The following LAMB1 variants were observed in gnomAD, a reference collection of about 807,000 sequenced individuals.
The protein encoded by LAMB1 is laminin subunit beta-1.
A neutral mutation model predicts 222.3 loss-of-function variants in LAMB1; 121 were observed. That is an observed-to-expected ratio of 0.54 (90% CI 0.47 to 0.63). LAMB1 has a LOEUF of 0.63. Among genes scored for constraint, LAMB1 ranks in the 30% least tolerant of loss-of-function variants. The probability of loss-of-function intolerance (pLI) is 0.00; values close to 1 mark genes in which losing one functional copy is unlikely to be tolerated. For missense variants in LAMB1, 2,172 were observed against 2,240.8 expected (o/e 0.97, Z 0.62); for synonymous variants, 794 against 807.2 (o/e 0.98, Z 0.28).
At position 107,951,327 on chromosome 7, in the gene LAMB1, G is replaced by A. The variant is rs752770724; in HGVS notation, c.3295-5C>T. Reference sequence around the variant, plus strand: ...GCACTGGCACTGCCCCGTGAACTGCGGCCAGAACACAGACCTTGGTCAAGC... The same window carrying A: ...GCACTGGCACTGCCCCGTGAACTGCAGCCAGAACACAGACCTTGGTCAAGC... On this transcript the variant is annotated splice_polypyrimidine_tract_variant and splice_region_variant and intron_variant, in intron 23 of 33. Transcript: ENST00000222399. 9.3e-6 allele frequency: 15 copies of A among 1,613,664 alleles called. No individual in the cohort carries two copies. The Admixed American group carries it at 1.2e-4, about 13-fold the overall frequency.
chr7:107,925,221 A>G (rs887581031), intron 32 of LAMB1, among the ~76,000 whole-genome samples: 2 of 152,138 alleles, frequency 1.3e-5, no homozygotes, highest in African/African-American at 4.8e-5. Context: ...AATAGTAGGG[A>G]GTTAAATACT....
intron 24 of LAMB1, among the ~76,000 whole-genome samples, chr7:107,944,958 G>C (rs1162506969): frequency 1.3e-5 from 2 of 152,172 alleles, no homozygotes; most frequent in Non-Finnish European, 2.9e-5. Flanking sequence ...CCTAGATAAA[G>C]CAGTCTTATT....
At chr7:107,931,558 G>T (rs951006937) in intron 28 of LAMB1, 58 bp from the exon 29 acceptor site, 11 of 1,469,430 alleles carry the variant, frequency 7.5e-6, no homozygotes, top group Middle Eastern at 1.7e-4. Flanking sequence ...AAGGAGACCA[G>T]AATATTGGAA....
intron 13 of LAMB1, among the ~76,000 whole-genome samples, chr7:107,965,623 T>C (rs1057373645): frequency 2.0e-5 from 3 of 152,104 alleles, no homozygotes; most frequent in African/African-American, 7.2e-5. Context: ...TTGTATACAA[T>C]ACAAAACTCA....
In LAMB1 at chr7:107,926,075, GA is replaced by G. The variant is rs376602413; in HGVS notation, c.5064+107del. The stretch of plus-strand genomic sequence containing the variant: ...GCAAAACAGGTCATTTGATATTTCT[GA>G]TGAATTCTGTTTCTGTTAGGTCCAT... On this transcript the variant is annotated intron_variant, in intron 32 of 33. Transcript: ENST00000222399. 1.1e-3 allele frequency: 891 copies of G among 786,774 alleles called. 6 individuals carry two copies. In the African/African-American group the frequency reaches 0.013, roughly 12 times the overall value. The allele number at this position is 786,774 out of a possible 1,614,324, so 48.7% of individuals were successfully genotyped here.
At chr7:107,963,694 C>T (rs565918906) in intron 14 of LAMB1, among the ~76,000 whole-genome samples, 187 of 152,300 alleles carry the variant, frequency 1.2e-3, no homozygotes, top group Non-Finnish European at 2.2e-3. Flanking sequence ...TCCATGAATC[C>T]TTGTGACTTG....
At chr7:107,963,827 AGTGGCTCACGCCT>A (rs771530487) in intron 14 of LAMB1, among the ~76,000 whole-genome samples, 4 of 152,226 alleles carry the variant, frequency 2.6e-5, no homozygotes, top group Non-Finnish European at 5.9e-5. Flanking sequence ...CGCCAGGCAC[AGTGGCTCACGCCT>A]GTAATCCCAA....
chr7:107,982,915 A>G (rs1016378170), intron 7 of LAMB1, among the ~76,000 whole-genome samples: 2 of 152,228 alleles, frequency 1.3e-5, no homozygotes, highest in Admixed American at 1.3e-4. Flanking sequence ...CAAAAGACAA[A>G]AGAATCAAAA....
intron 26 of LAMB1, chr7:107,936,491 T>G (rs2032850389): frequency 6.6e-6 from 1 of 152,292 alleles, no homozygotes; most frequent in African/African-American, 2.4e-5. Flanking sequence ...GGATTTTGGT[T>G]TCTGCAGTGG....
intron 20 of LAMB1, among the ~76,000 whole-genome samples, chr7:107,958,959 C>A (rs1473374007): frequency 6.6e-6 from 1 of 152,186 alleles, no homozygotes; most frequent in Non-Finnish European, 1.5e-5. Context: ...CTGAGACAGA[C>A]AGAATTTCTA....
At chr7:107,996,344 T>C (rs2034280533) in intron 4 of LAMB1, among the ~76,000 whole-genome samples, 1 of 152,102 alleles carries the variant, frequency 6.6e-6, no homozygotes, top group Admixed American at 6.6e-5. Flanking sequence ...ACAAGGTCAT[T>C]CTTCTATAGT....
chr7:107,978,280 C>G (rs1461358771), intron 8 of LAMB1, 113 bp from the exon 9 acceptor site: 5 of 1,203,090 alleles, frequency 4.2e-6, no homozygotes, highest in Non-Finnish European at 5.9e-6. Flanking sequence ...TCTAGCTCAC[C>G]ACAGAAAAGG....
intron 24 of LAMB1, among the ~76,000 whole-genome samples, chr7:107,946,108 C>T (rs1270814681): frequency 2.0e-5 from 3 of 152,204 alleles, no homozygotes; most frequent in East Asian, 1.9e-4. Context: ...GAAACTGCTA[C>T]ACCCTAAGAT....
At position 107,961,597 on chromosome 7, in the gene LAMB1, G is replaced by T. The variant is rs151296677; in HGVS notation, c.1937C>A (p.Thr646Asn). The T allele has an allele frequency of 6.2e-7, 1 of 1,614,072 alleles. No homozygotes were observed. The highest frequency in any genetic ancestry group is 1.3e-5 in the African/African-American group (1 of 75,034). ...CACCTGGTTGTCATCATCGGGGATG[G>T]TATTACCACATCGGCTGCTGGTTGG... ...RIPTSSRCGN[T>N]IPDDDNQVVS... The change falls in exon 16 of 34, where the codon ACC becomes AAC. Residue 646 changes from threonine to asparagine, a missense_variant. Thr to Asn is a moderately conservative substitution (Grantham distance 65). Coordinates refer to ENST00000222399, the MANE Select transcript of LAMB1 (RefSeq NM_002291.3).
intron 13 of LAMB1, among the ~76,000 whole-genome samples, chr7:107,971,317 C>A (rs922475907): frequency 1.3e-5 from 2 of 152,126 alleles, no homozygotes; most frequent in Non-Finnish European, 1.5e-5. Flanking sequence ...TTATTCAGTA[C>A]CTACAACGTA....
At chr7:107,956,223 G>A (rs2033373334) in intron 20 of LAMB1, among the ~76,000 whole-genome samples, 1 of 151,890 alleles carries the variant, frequency 6.6e-6, no homozygotes, top group South Asian at 2.1e-4. Flanking sequence ...AGTAGAGATG[G>A]GGTTTCACCA....
At chr7:107,931,822 T>G in intron 28 of LAMB1, 5 of 473,238 alleles carry the variant, frequency 1.1e-5, no homozygotes, top group Non-Finnish European at 1.9e-5. Flanking sequence ...TGTGTCACTT[T>G]AGAAGAATAA....
chr7:107,970,577 T>TA (rs2033728997), intron 13 of LAMB1, among the ~76,000 whole-genome samples: 1 of 151,934 alleles, frequency 6.6e-6, no homozygotes, highest in East Asian at 1.9e-4. Flanking sequence ...AAGGATGCTG[T>TA]AAAAATGTTT....
chr7:107,959,752 A>G lies in LAMB1; in HGVS notation c.2397T>C (p.Val799=). 1 of 1,614,220 alleles carries G rather than the reference A, an allele frequency of 6.2e-7. No homozygotes were observed. Among genetic ancestry groups the G allele is most frequent in the Non-Finnish European group, 8.5e-7 (1 of 1,180,028 alleles). The change falls in exon 19 of 34, where the codon GTT becomes GTC. Residue 799 remains valine (V), a synonymous_variant. Transcript: ENST00000222399. ...GGQCQCRPNV[V]GRTCNRCAPG... is the part of the protein sequence containing the mutation. ...GTGCACATCTGTTGCAGGTTCTTCC[A>G]ACCACGTTGGGCCGGCACTGGCACT...
Sources: allele counts gnomAD v4.1 joint callset (sites outside exome capture counted in the v4.1 genomes callset), GRCh38; gene constraint gnomAD v4.1.1; transcripts MANE v1.5; gene names NCBI Gene and HGNC (gene_info 2026-07-23, HGNC 2026-07-21).